GRIP1: variants seen among roughly 807,000 people sequenced by gnomAD.
GRIP1 encodes the protein glutamate receptor-interacting protein 1.
GRIP1 carries 45 observed loss-of-function variants against 129.9 expected under a neutral mutation model. The ratio of observed to expected loss-of-function variants is 0.35; its 90% CI spans 0.27 to 0.44. The LOEUF is 0.44. Ranked by LOEUF, GRIP1 falls within the 20% of genes least tolerant of loss-of-function variation. The pLI, the probability that GRIP1 is intolerant of heterozygous loss-of-function variation, is 1.00. For missense variants in GRIP1, 1,196 were observed against 1,396.8 expected (o/e 0.86, Z 2.29); for synonymous variants, 530 against 520.8 (o/e 1.02, Z -0.24).
intron 15 of GRIP1, among the ~76,000 whole-genome samples, chr12:66,419,276 G>A (rs2057718676): frequency 6.6e-6 from 1 of 151,616 alleles, no homozygotes; most frequent in Non-Finnish European, 1.5e-5. Context: ...AGAGAGAGTA[G>A]AAGGATGGTT....
At chr12:66,660,935 C>T (rs1335589574) in intron 1 of GRIP1, among the ~76,000 whole-genome samples, 1 of 151,338 alleles carries the variant, frequency 6.6e-6, no homozygotes, top group African/African-American at 2.4e-5. Context: ...TACATGTATA[C>T]AAATATATAT....
rs143212086 is a variant in GRIP1 at position 66,999,898 on chromosome 12, C to CT, written c.58+69151dup. 5.6e-3 allele frequency among the ~76,000 whole-genome samples: 858 copies of CT among 152,248 alleles called. 1 individual carries two copies. Among genetic ancestry groups the CT allele is most frequent in the Non-Finnish European group, 9.8e-3 (665 of 68,008 alleles). ...ATTCCCCTGTTCATTTGTCTTACAC[C>CT]TTCCTGCACTCATAATTTTTCTCAC... On this transcript the variant is annotated intron_variant, in intron 1 of 1. Transcript: ENST00000643019.
At chr12:67,032,261 A>G (rs780488595) in intron 1 of GRIP1, among the ~76,000 whole-genome samples, 11 of 152,118 alleles carry the variant, frequency 7.2e-5, no homozygotes, top group Non-Finnish European at 1.6e-4. Context: ...CAATATTTGT[A>G]TATGTTTGTA....
At chr12:66,424,185 AT>A (rs1215143245) in intron 14 of GRIP1, among the ~76,000 whole-genome samples, 1 of 152,194 alleles carries the variant, frequency 6.6e-6, no homozygotes, top group Admixed American at 6.6e-5. Context: ...GTCATTGGAA[AT>A]TTTATCCCGG....
chr12:66,758,295 C>T (rs1298943582), intron 1 of GRIP1, among the ~76,000 whole-genome samples: 1 of 152,116 alleles, frequency 6.6e-6, no homozygotes, highest in African/African-American at 2.4e-5. Flanking sequence ...AAAGCAGAAG[C>T]TCCTGATAAA....
intron 2 of GRIP1, among the ~76,000 whole-genome samples, chr12:66,554,086 G>A (rs549899320): frequency 5.9e-5 from 9 of 152,260 alleles, no homozygotes; most frequent in African/African-American, 2.2e-4. Flanking sequence ...GGGTGGCTAA[G>A]GGAGTGCTTG....
chr12:66,922,255 C>T (rs1174940252), intron 1 of GRIP1, among the ~76,000 whole-genome samples: 1 of 152,172 alleles, frequency 6.6e-6, no homozygotes, highest in African/African-American at 2.4e-5. Context: ...CAGTAACCCC[C>T]AAAGCAATTT....
chr12:66,931,715 T>C (rs12230530), intron 1 of GRIP1, among the ~76,000 whole-genome samples: 11,991 of 152,162 alleles, frequency 0.079, 685 homozygotes, highest in East Asian at 0.16. Context: ...CCCCAGAAAT[T>C]AGAAATCTGA....
At chr12:66,882,475 A>G (rs1021222125) in intron 1 of GRIP1, among the ~76,000 whole-genome samples, 3 of 152,200 alleles carry the variant, frequency 2.0e-5, no homozygotes, top group African/African-American at 7.2e-5. Flanking sequence ...AGCCAATTTT[A>G]GCCAATTAAA....
intron 1 of GRIP1, among the ~76,000 whole-genome samples, chr12:67,004,133 T>C (rs2042592998): frequency 1.3e-5 from 2 of 152,216 alleles, no homozygotes; most frequent in Non-Finnish European, 2.9e-5. Context: ...TAACTACTAA[T>C]CTGCAAAGAC....
chr12:66,701,720 AC>A (rs2035360161), intron 1 of GRIP1, among the ~76,000 whole-genome samples: 1 of 152,180 alleles, frequency 6.6e-6, no homozygotes, highest in African/African-American at 2.4e-5. Flanking sequence ...AATGGCTCTT[AC>A]ATACTAATCT....
At chr12:66,525,945 A>T (rs1278092785) in intron 5 of GRIP1, among the ~76,000 whole-genome samples, 1 of 152,082 alleles carries the variant, frequency 6.6e-6, no homozygotes, top group Non-Finnish European at 1.5e-5. Context: ...CTTCAAAGAG[A>T]ATAAAATACC....
chr12:66,792,796 A>G (rs1247239601), intron 1 of GRIP1, among the ~76,000 whole-genome samples: 2 of 152,208 alleles, frequency 1.3e-5, no homozygotes, highest in Non-Finnish European at 2.9e-5. Flanking sequence ...CAACACTCCA[A>G]GTAGAACACT....
intron 1 of GRIP1, among the ~76,000 whole-genome samples, chr12:66,887,448 C>T (rs1392738984): frequency 6.6e-6 from 1 of 152,130 alleles, no homozygotes; most frequent in African/African-American, 2.4e-5. Context: ...TGCCTTAAGG[C>T]ACTTAAAATA....
At chr12:66,394,161 A>C (rs1234968883) in intron 17 of GRIP1, 47 bp downstream of exon 17, 2 of 1,564,282 alleles carry the variant, frequency 1.3e-6, no homozygotes, top group South Asian at 1.1e-5. Context: ...TGAGGAAGGA[A>C]GCCCGTCTCA....
chr12:66,897,170 G>C (rs1326159584), intron 1 of GRIP1, among the ~76,000 whole-genome samples: 1 of 152,176 alleles, frequency 6.6e-6, no homozygotes, highest in African/African-American at 2.4e-5. Flanking sequence ...ATGAATCAAT[G>C]CATGGGAAGC....
rs537736938 is a variant in GRIP1 at position 66,779,578 on chromosome 12, G to T, written c.-420+24475C>A. On this transcript the variant is annotated intron_variant, in intron 1 of 4. Coordinates refer to the GRIP1 transcript ENST00000538373. ...AAGCTGAGGTTCACAAGACAAAGCA[G>T]CTTAGAGATCATAATGATAGTTATC... Among the ~76,000 whole-genome samples, 10 of 152,336 alleles carry T rather than the reference G, an allele frequency of 6.6e-5. No homozygotes were observed. The South Asian group carries it at 2.1e-3, about 32-fold the overall frequency.
At chr12:66,658,828 G>T (rs542999057) in intron 1 of GRIP1, among the ~76,000 whole-genome samples, 2 of 152,008 alleles carry the variant, frequency 1.3e-5, no homozygotes, top group African/African-American at 4.8e-5. Flanking sequence ...GGAGGCTGAG[G>T]GGGGAAGATT....
At chr12:66,797,756 G>A (rs1174423327) in intron 1 of GRIP1, among the ~76,000 whole-genome samples, 1 of 152,076 alleles carries the variant, frequency 6.6e-6, no homozygotes, top group African/African-American at 2.4e-5. Context: ...TGGAATTAGT[G>A]AATACAACCC....
Sources: gnomAD v4.1 joint callset for allele counts (sites outside exome capture counted in the v4.1 genomes callset) on GRCh38, gnomAD v4.1.1 for gene constraint, MANE v1.5 for transcripts, NCBI Gene and HGNC (gene_info 2026-07-23, HGNC 2026-07-21) for gene names.